The following BCL2 variants were observed in gnomAD, a reference collection of about 807,000 sequenced individuals.
BCL2 encodes the protein BCL2 apoptosis regulator.
A neutral mutation model predicts 14.2 loss-of-function variants in BCL2; 1 was observed. The observed-to-expected ratio is 0.07, with a 90% CI of 0.02 to 0.33. The LOEUF is 0.33. Ranked by LOEUF, BCL2 falls within the 10% of genes least tolerant of loss-of-function variation. The probability of loss-of-function intolerance (pLI) is 0.99; values close to 1 mark genes in which losing one functional copy is unlikely to be tolerated. For synonymous variants in BCL2, 151 were observed against 137.2 expected, an observed-to-expected ratio of 1.10 and a Z score of -0.70; for missense variants, 247 against 305.9, an observed-to-expected ratio of 0.81 and a Z score of 1.44.
intron 2 of BCL2, among the ~76,000 whole-genome samples, chr18:63,219,564 C>T (rs1033774485): frequency 2.7e-5 from 4 of 149,624 alleles, no homozygotes; most frequent in South Asian, 2.1e-4. Flanking sequence ...TCAAGCAATT[C>T]TCCTGTCTCA....
chr18:63,163,920 T>C (rs1914981796), intron 2 of BCL2, among the ~76,000 whole-genome samples: 1 of 152,230 alleles, frequency 6.6e-6, no homozygotes, highest in Non-Finnish European at 1.5e-5. Flanking sequence ...GCTATATTCC[T>C]GTTAATAGGT....
intron 2 of BCL2, among the ~76,000 whole-genome samples, chr18:63,173,318 G>A (rs1056038417): frequency 2.6e-5 from 4 of 152,140 alleles, no homozygotes; most frequent in Admixed American, 2.0e-4. Flanking sequence ...ATTTTGCTAG[G>A]CTCACCGTTA....
At chr18:63,263,107 C>CTGATG (rs1911707958) in intron 2 of BCL2, among the ~76,000 whole-genome samples, 1 of 152,116 alleles carries the variant, frequency 6.6e-6, no homozygotes, top group Admixed American at 6.5e-5. Context: ...CATCAGGGAA[C>CTGATG]CTCAGCCTAG....
Position 63,123,955 on chromosome 18 carries a change from G to C in BCL2, c.*4670C>G, listed in dbSNP as rs756666269. On this transcript the variant is annotated 3_prime_UTR_variant, in exon 3 of 3. Transcript: ENST00000333681. ...GAGCGAGCCTTTCCATCCTCCACCA[G>C]TGTTCCCATCTTCTGTGCTCAGCTT... 2.3e-5 allele frequency: 5 copies of C among 221,408 alleles called. No homozygotes were observed. Among genetic ancestry groups the C allele is most frequent in the Non-Finnish European group, 3.6e-5 (4 of 110,696 alleles). 13.7% of individuals were successfully genotyped at this position (221,408 alleles called of 1,614,324 possible).
intron 2 of BCL2, among the ~76,000 whole-genome samples, chr18:63,179,464 C>T (rs1278557284): frequency 1.3e-5 from 2 of 152,154 alleles, no homozygotes; most frequent in Non-Finnish European, 2.9e-5. Flanking sequence ...ACTGTCTGTG[C>T]CTGCTATAAT....
chr18:63,145,250 T>A (rs1391888413), intron 2 of BCL2, among the ~76,000 whole-genome samples: 1 of 152,218 alleles, frequency 6.6e-6, no homozygotes, highest in Non-Finnish European at 1.5e-5. Context: ...CAACTATTCT[T>A]GCTGGACCAA....
chr18:63,303,606 C>T (rs1388130631), intron 2 of BCL2, among the ~76,000 whole-genome samples: 1 of 152,128 alleles, frequency 6.6e-6, no homozygotes, highest in Non-Finnish European at 1.5e-5. Flanking sequence ...CTGGTTTTGC[C>T]TCTTACCAGG....
chr18:63,268,023 T>C (rs1911886092), intron 2 of BCL2, among the ~76,000 whole-genome samples: 1 of 152,264 alleles, frequency 6.6e-6, no homozygotes, highest in Admixed American at 6.5e-5. Flanking sequence ...ATGCCTTTAT[T>C]TTCTCTAACA....
At chr18:63,204,062 A>G (rs2144666872) in intron 2 of BCL2, among the ~76,000 whole-genome samples, 1 of 152,354 alleles carries the variant, frequency 6.6e-6, no homozygotes, top group South Asian at 2.1e-4. Flanking sequence ...GGATAGATAG[A>G]TAATTGAGAA....
At chr18:63,272,129 C>T (rs530537378) in intron 2 of BCL2, among the ~76,000 whole-genome samples, 38 of 152,290 alleles carry the variant, frequency 2.5e-4, no homozygotes, top group Admixed American at 1.2e-3. Flanking sequence ...ACTCCATATG[C>T]GGGAGACTTC....
chr18:63,167,656 G>C (rs879859402), intron 2 of BCL2, among the ~76,000 whole-genome samples: 1 of 152,062 alleles, frequency 6.6e-6, no homozygotes, highest in African/African-American at 2.4e-5. Flanking sequence ...GGCTGGGCGT[G>C]GTGGCTCCTG....
chr18:63,134,741 A>C (rs1914166359), intron 2 of BCL2, among the ~76,000 whole-genome samples: 1 of 152,158 alleles, frequency 6.6e-6, no homozygotes, highest in Admixed American at 6.5e-5. Flanking sequence ...AACTAAACTA[A>C]ATCAATGGGT....
chr18:63,124,932 C>T lies in BCL2; in HGVS notation c.*3693G>A, dbSNP rs1360297089. ...AAAAACAGCCACTGCCTTAAAAGTA[C>T]AGTTGGAATTAATTAGAGTTTAAGT... On this transcript the variant is annotated 3_prime_UTR_variant, in exon 3 of 3. Transcript: ENST00000333681. 9.0e-6 allele frequency: 2 copies of T among 222,890 alleles called. No homozygotes were observed. The highest frequency in any genetic ancestry group is 1.8e-5 in the Non-Finnish European group (2 of 111,346). 13.8% of individuals were successfully genotyped at this position (222,890 alleles called of 1,614,324 possible).
intron 2 of BCL2, among the ~76,000 whole-genome samples, chr18:63,268,053 T>C (rs377695485): frequency 1.6e-4 from 25 of 152,350 alleles, no homozygotes; most frequent in East Asian, 9.6e-4. Flanking sequence ...TCCTTTTGCA[T>C]CTCTTTTCAC....
Position 63,318,282 on chromosome 18 carries a change from G to A in BCL2, c.385C>T (p.Arg129Cys), listed in dbSNP as rs777784952. ...LHLTPFTARG[R>C]FATVVEELFR... The stretch of plus-strand genomic sequence containing the variant: ...AGCTCCTCCACCACCGTGGCAAAGC[G>A]TCCCCGCGCGGTGAAGGGCGTCAGG... Residue 129 changes from arginine to cysteine, a missense_variant, in exon 2 of 3, where the codon CGC becomes TGC. Coordinates refer to ENST00000333681, the MANE Select transcript of BCL2 (RefSeq NM_000633.3). This position sits in a 1 kb window ranked among gnomAD's most constrained non-coding sequence, Gnocchi z 7.4. 6.8e-6 allele frequency: 11 copies of A among 1,614,002 alleles called. No homozygotes were observed. The Admixed American group carries it at 1.8e-4, about 27-fold the overall frequency.
intron 2 of BCL2, among the ~76,000 whole-genome samples, chr18:63,262,750 G>T (rs949096840): frequency 1.3e-5 from 2 of 152,142 alleles, no homozygotes; most frequent in African/African-American, 4.8e-5. Flanking sequence ...AGGGGTCAGT[G>T]GTGTCCTCAT....
intron 2 of BCL2, chr18:63,315,461 G>A (rs1440265751): frequency 2.0e-5 from 3 of 152,176 alleles, no homozygotes; most frequent in African/African-American, 7.2e-5. Flanking sequence ...AAGTCAAACA[G>A]ATTTCCTCAG....
At chr18:63,273,871 C>G (rs1912073510) in intron 2 of BCL2, among the ~76,000 whole-genome samples, 1 of 152,128 alleles carries the variant, frequency 6.6e-6, no homozygotes, top group Non-Finnish European at 1.5e-5. Flanking sequence ...TTACAAGCAT[C>G]TCAGATCAAA....
At chr18:63,255,301 C>T (rs779636653) in intron 2 of BCL2, among the ~76,000 whole-genome samples, 2 of 152,304 alleles carry the variant, frequency 1.3e-5, no homozygotes, top group African/African-American at 2.4e-5. Context: ...CAAACCATTA[C>T]TTCTGATAAA....
Sources: gnomAD v4.1 joint callset for allele counts (sites outside exome capture counted in the v4.1 genomes callset) on GRCh38, gnomAD v4.1.1 for gene constraint, Gnocchi (gnomAD v3.1) non-coding constraint, MANE v1.5 for transcripts, NCBI Gene and HGNC (gene_info 2026-07-23, HGNC 2026-07-21) for gene names.